The following MAPK10 variants were observed in gnomAD, a reference collection of about 807,000 sequenced individuals.
The protein encoded by MAPK10 is mitogen-activated protein kinase 10, also known as JNK3 alpha protein kinase.
In MAPK10, 25 loss-of-function variants were observed where a neutral mutation model predicts 59.3. The observed-to-expected ratio is 0.42, with a 90% confidence interval of 0.31 to 0.59. The LOEUF (loss-of-function observed/expected upper bound fraction) is 0.59, where lower values mean the gene tolerates loss of function less well. Among genes scored for constraint, MAPK10 ranks in the 20% least tolerant of loss-of-function variants. The probability of loss-of-function intolerance (pLI) is 0.15; values close to 1 mark genes in which losing one functional copy is unlikely to be tolerated. For missense variants in MAPK10, 351 were observed against 568.9 expected, an observed-to-expected ratio of 0.62 and a Z score of 3.90; for synonymous variants, 190 against 200.5, an observed-to-expected ratio of 0.95 and a Z score of 0.44.
chr4:86,208,632 C>T (rs569116444), intron 2 of MAPK10, among the ~76,000 whole-genome samples: 1 of 152,064 alleles, frequency 6.6e-6, no homozygotes, highest in East Asian at 1.9e-4. Context: ...CAGCCAATAT[C>T]ATACTGAATG....
intron 4 of MAPK10, among the ~76,000 whole-genome samples, chr4:86,131,274 T>G (rs1285730531): frequency 4.6e-5 from 7 of 152,208 alleles, no homozygotes; most frequent in African/African-American, 1.4e-4. Context: ...TGTTTTTGCC[T>G]GTTTTGTTTT....
At chr4:86,215,473 C>T (rs1269036942) in intron 2 of MAPK10, among the ~76,000 whole-genome samples, 1 of 152,110 alleles carries the variant, frequency 6.6e-6, no homozygotes, top group Admixed American at 6.5e-5. Context: ...AAAAGGCAAC[C>T]TGTGGAGTGG....
chr4:86,288,047 T>C (rs992277279), intron 2 of MAPK10, among the ~76,000 whole-genome samples: 2 of 152,146 alleles, frequency 1.3e-5, no homozygotes, highest in African/African-American at 4.8e-5. Context: ...CTGCAATCAG[T>C]CTAACTAACG....
At chr4:86,369,866 A>G (rs1343558769) in intron 1 of MAPK10, among the ~76,000 whole-genome samples, 1 of 152,222 alleles carries the variant, frequency 6.6e-6, no homozygotes, top group Non-Finnish European at 1.5e-5. Context: ...TGACCTGAGC[A>G]GATCGCATGG....
intron 1 of MAPK10, among the ~76,000 whole-genome samples, chr4:86,577,468 C>T (rs1761985141): frequency 6.6e-6 from 1 of 152,062 alleles, no homozygotes. Flanking sequence ...TCCAGAATGA[C>T]ATCTATGCAG....
chr4:86,403,664 T>C (rs1314865701), intron 1 of MAPK10, among the ~76,000 whole-genome samples: 1 of 152,120 alleles, frequency 6.6e-6, no homozygotes, highest in Non-Finnish European at 1.5e-5. Flanking sequence ...GGAGCAAGGA[T>C]CTTCTTCACA....
At chr4:86,410,410 G>C (rs753288073) in intron 1 of MAPK10, among the ~76,000 whole-genome samples, 1 of 152,152 alleles carries the variant, frequency 6.6e-6, no homozygotes, top group African/African-American at 2.4e-5. Context: ...GATGATGCTG[G>C]CCTCATAAAA....
At chr4:86,384,522 C>T (rs191579059) in intron 1 of MAPK10, among the ~76,000 whole-genome samples, 75 of 152,222 alleles carry the variant, frequency 4.9e-4, no homozygotes, top group African/African-American at 1.7e-3. Flanking sequence ...GCCTGATTTA[C>T]ACTAGGACCA....
chr4:86,107,136 A>C, intron 5 of MAPK10, 87 bp downstream of exon 5: 1 of 1,044,902 alleles, frequency 9.6e-7, no homozygotes, highest in East Asian at 2.4e-5. Flanking sequence ...AAGCAAAGAA[A>C]GCCTTTCTTA....
rs890397599 is a variant in MAPK10, at chr4:86,224,931, G to T, written c.-6-30524C>A. 2.6e-5 allele frequency among the ~76,000 whole-genome samples: 4 copies of T among 152,080 alleles called. 1 individual carries two copies. Among genetic ancestry groups the T allele is most frequent in the Admixed American group, 1.3e-4 (2 of 15,276 alleles). ...ATGAAAATTAAATCTTATTTATTTT[G>T]CAGTAATCTAAAATTTATAGACAGC... On this transcript the variant is annotated intron_variant, in intron 2 of 13. Transcript: ENST00000641462.
rs145767365 is a variant in MAPK10, at chr4:86,047,672, G to A, written c.1111-16241C>T. ...TGTGCACGCACGTGCACTTGTACAC[G>A]CATGCTGGGTTGCAATGTAAAACAC... On this transcript the variant is annotated intron_variant, in intron 11 of 13. Transcript: ENST00000641462. 1.6e-3 allele frequency among the ~76,000 whole-genome samples: 237 copies of A among 152,236 alleles called. 2 individuals are homozygous for A. The highest frequency in any genetic ancestry group is 5.4e-3 in the African/African-American group (224 of 41,558).
At chr4:86,197,869 T>G (rs1011009912) in intron 2 of MAPK10, among the ~76,000 whole-genome samples, 1 of 152,018 alleles carries the variant, frequency 6.6e-6, no homozygotes, top group African/African-American at 2.4e-5. Context: ...TATAAAGGTG[T>G]GATAAGTAAA....
At chr4:86,318,304 G>A (rs1170141199) in intron 2 of MAPK10, among the ~76,000 whole-genome samples, 1 of 152,100 alleles carries the variant, frequency 6.6e-6, no homozygotes, top group African/African-American at 2.4e-5. Context: ...ATATTCTCCA[G>A]TGAGTTTTCG....
intron 3 of MAPK10, among the ~76,000 whole-genome samples, chr4:86,186,057 T>C (rs951610761): frequency 6.6e-6 from 1 of 152,102 alleles, no homozygotes; most frequent in Non-Finnish European, 1.5e-5. Flanking sequence ...AGAAAGTGAG[T>C]ATAAATTTAT....
At chr4:86,424,657 C>A (rs531283314) in intron 1 of MAPK10, among the ~76,000 whole-genome samples, 1 of 152,234 alleles carries the variant, frequency 6.6e-6, no homozygotes, top group East Asian at 1.9e-4. Context: ...GTCTCCTTCA[C>A]AAGCCCACCC....
chr4:86,455,108 G>A (rs138028799), upstream of MAPK10, among the ~76,000 whole-genome samples: 33 of 152,168 alleles, frequency 2.2e-4, no homozygotes, highest in Non-Finnish European at 4.0e-4. Context: ...TACCAAAGCA[G>A]CACTACAAGA....
chr4:86,401,799 A>AATAATATTTGTAAATATTTGT (rs1743760682), intron 1 of MAPK10, among the ~76,000 whole-genome samples: 1 of 152,234 alleles, frequency 6.6e-6, no homozygotes, highest in Non-Finnish European at 1.5e-5. Flanking sequence ...ATTGGTTTAC[A>AATAATATTTGTAAATATTTGT]AATATTAGGG....
intron 1 of MAPK10, among the ~76,000 whole-genome samples, chr4:86,395,674 T>G (rs1050721384): frequency 6.6e-6 from 1 of 152,096 alleles, no homozygotes; most frequent in African/African-American, 2.4e-5. Flanking sequence ...AAAGGAGAGA[T>G]ATTCATTTCT....
intron 1 of MAPK10, among the ~76,000 whole-genome samples, chr4:86,539,945 T>G (rs1039800994): frequency 9.9e-5 from 15 of 152,230 alleles, no homozygotes; most frequent in African/African-American, 3.6e-4. Flanking sequence ...GATGCAGCCC[T>G]GGATTAAAAA....
Sources: gnomAD v4.1 joint callset for allele counts (sites outside exome capture counted in the v4.1 genomes callset) on GRCh38, gnomAD v4.1.1 for gene constraint, MANE v1.5 for transcripts, NCBI Gene and HGNC (gene_info 2026-07-23, HGNC 2026-07-21) for gene names.